The following CLDN14 variants were observed in gnomAD, a reference collection of about 807,000 sequenced individuals.
The protein encoded by CLDN14 is claudin-14.
Under a neutral mutation model 2.1 loss-of-function variants are expected in CLDN14, and 2 were observed. The observed-to-expected ratio is 0.96, with a 90% confidence interval of 0.39 to 3.01. CLDN14 has a LOEUF of 3.01. CLDN14 is among the 30% of genes most tolerant of loss of function. The pLI is 0.09. For synonymous variants in CLDN14, 136 were observed against 154.4 expected (o/e 0.88, Z 0.88); for missense variants, 298 against 328.0 (o/e 0.91, Z 0.71).
intron 2 of CLDN14, among the ~76,000 whole-genome samples, chr21:36,488,271 T>TTCCTTCCC (rs1388773989): frequency 7.4e-5 from 11 of 149,598 alleles, no homozygotes; most frequent in African/African-American, 2.7e-4. Flanking sequence ...CCTTCCTTCC[T>TTCCTTCCC]TCCCTCTCTC....
chr21:36,543,824 G>A (rs2087509155), intron 1 of CLDN14, among the ~76,000 whole-genome samples: 1 of 152,144 alleles, frequency 6.6e-6, no homozygotes. Context: ...CCAAAAGCAA[G>A]CAAATATGCA....
intron 1 of CLDN14, among the ~76,000 whole-genome samples, chr21:36,478,979 C>G (rs139743683): frequency 9.2e-4 from 140 of 152,272 alleles, no homozygotes; most frequent in East Asian, 6.9e-3. Context: ...ACTTCCCCCC[C>G]TCTCCTGCCA....
At chr21:36,534,913 A>T (rs997946245) in intron 1 of CLDN14, among the ~76,000 whole-genome samples, 1 of 152,148 alleles carries the variant, frequency 6.6e-6, no homozygotes, top group African/African-American at 2.4e-5. Context: ...GGCCAGCGTA[A>T]TCTAACCATC....
chr21:36,518,597 T>A (rs973818962), intron 1 of CLDN14, among the ~76,000 whole-genome samples: 15 of 150,880 alleles, frequency 9.9e-5, no homozygotes, highest in Non-Finnish European at 1.6e-4. Flanking sequence ...AGACTCTGTC[T>A]CAAACAAACA....
At chr21:36,503,006 CA>C (rs1284394622) in intron 2 of CLDN14, among the ~76,000 whole-genome samples, 1 of 152,220 alleles carries the variant, frequency 6.6e-6, no homozygotes, top group African/African-American at 2.4e-5. Flanking sequence ...ACTGTACAGA[CA>C]GTTCTAACAT....
intron 1 of CLDN14, among the ~76,000 whole-genome samples, chr21:36,472,895 A>T (rs1191985559): frequency 6.6e-6 from 1 of 152,198 alleles, no homozygotes; most frequent in Non-Finnish European, 1.5e-5. Context: ...CCCGTCTCCA[A>T]ATACTATCAC....
At chr21:36,492,287 A>G in intron 2 of CLDN14, among the ~76,000 whole-genome samples, 1 of 139,530 alleles carries the variant, frequency 7.2e-6, no homozygotes, top group African/African-American at 2.9e-5. Context: ...ACAAAAAATT[A>G]GCCGGGCGCG....
At chr21:36,465,697 G>A (rs1214245110) in intron 1 of CLDN14, among the ~76,000 whole-genome samples, 2 of 152,238 alleles carry the variant, frequency 1.3e-5, no homozygotes, top group Non-Finnish European at 2.9e-5. Flanking sequence ...GGCCTCCCAG[G>A]GGGAGCAGCC....
intron 1 of CLDN14, among the ~76,000 whole-genome samples, chr21:36,524,158 G>T (rs920791946): frequency 6.6e-6 from 1 of 150,404 alleles, no homozygotes; most frequent in Non-Finnish European, 1.5e-5. Context: ...TTGCTCTGTC[G>T]CCCAGGCTGG....
chr21:36,517,192 A>G (rs891825926), intron 1 of CLDN14, among the ~76,000 whole-genome samples: 1 of 152,256 alleles, frequency 6.6e-6, no homozygotes, highest in African/African-American at 2.4e-5. Flanking sequence ...ATATCTGATG[A>G]TGTGAAAATT....
chr21:36,552,585 T>C (rs1196755660), intron 1 of CLDN14, among the ~76,000 whole-genome samples: 1 of 152,196 alleles, frequency 6.6e-6, no homozygotes, highest in Non-Finnish European at 1.5e-5. Context: ...GAATTAAGGC[T>C]CATAACTGAG....
At chr21:36,575,651 C>CA (rs1304981168) in intron 1 of CLDN14, among the ~76,000 whole-genome samples, 1 of 152,204 alleles carries the variant, frequency 6.6e-6, no homozygotes, top group Non-Finnish European at 1.5e-5. Context: ...TCGCATGAAA[C>CA]ATGGACAATG....
intron 1 of CLDN14, among the ~76,000 whole-genome samples, chr21:36,536,380 A>G (rs2087423915): frequency 6.6e-6 from 1 of 152,218 alleles, no homozygotes; most frequent in Non-Finnish European, 1.5e-5. Flanking sequence ...CATTTTAAAA[A>G]TGACTTTACT....
intron 1 of CLDN14, among the ~76,000 whole-genome samples, chr21:36,475,994 C>A (rs976669320): frequency 9.9e-5 from 15 of 152,020 alleles, no homozygotes; most frequent in African/African-American, 3.4e-4. Flanking sequence ...TTTTAAAGGT[C>A]CTATTAGGAG....
upstream of CLDN14, among the ~76,000 whole-genome samples, chr21:36,483,175 CA>C (rs1414928875): frequency 2.0e-5 from 3 of 152,204 alleles, no homozygotes; most frequent in Admixed American, 6.5e-5. Flanking sequence ...TTGGCAGCTG[CA>C]AGTTCTCCCC....
At chr21:36,510,857 G>A (rs2835366) in intron 1 of CLDN14, among the ~76,000 whole-genome samples, 7,410 of 152,314 alleles carry the variant, frequency 0.049, 501 homozygotes, top group African/African-American at 0.15. Flanking sequence ...CCAGTAAAGG[G>A]CAGGAGGTTG....
At chr21:36,560,223 GTTTT>G (rs34426860) in intron 1 of CLDN14, among the ~76,000 whole-genome samples, 1 of 143,662 alleles carries the variant, frequency 7.0e-6, no homozygotes. Flanking sequence ...TTGTTGAGAG[GTTTT>G]TTTTTTTTTT....
At chr21:36,537,946 C>T (rs1192201835) in intron 1 of CLDN14, among the ~76,000 whole-genome samples, 1 of 151,938 alleles carries the variant, frequency 6.6e-6, no homozygotes, top group East Asian at 1.9e-4. Flanking sequence ...CCACACTCAG[C>T]CTACAATTTA....
chr21:36,575,239 C>G (rs868484381), intron 1 of CLDN14, among the ~76,000 whole-genome samples: 4 of 152,224 alleles, frequency 2.6e-5, no homozygotes, highest in Non-Finnish European at 5.9e-5. Flanking sequence ...TCTATCGGCT[C>G]TAACTTACCC....
Sources: allele counts gnomAD v4.1 joint callset (sites outside exome capture counted in the v4.1 genomes callset), GRCh38; gene constraint gnomAD v4.1.1; transcripts MANE v1.5; gene names NCBI Gene and HGNC (gene_info 2026-07-23, HGNC 2026-07-21).